The following ZNF541 variants were observed in gnomAD, a reference collection of about 807,000 sequenced individuals.
The protein encoded by ZNF541 is zinc finger protein 541.
ZNF541 carries 23 observed loss-of-function variants against 123.5 expected under a neutral mutation model. The ratio of observed to expected loss-of-function variants is 0.19; its 90% CI spans 0.13 to 0.26. The LOEUF (loss-of-function observed/expected upper bound fraction) is 0.26. Among genes scored for constraint, ZNF541 ranks in the 10% least tolerant of loss-of-function variants. The pLI, the probability that ZNF541 is intolerant of heterozygous loss-of-function variation, is 1.00. For synonymous variants in ZNF541, 751 were observed against 754.5 expected (o/e 1.00, Z 0.08); for missense variants, 1,612 against 1,789.9 (o/e 0.90, Z 1.79).
intron 5 of ZNF541, among the ~76,000 whole-genome samples, chr19:47,543,890 C>T (rs775404750): frequency 4.6e-5 from 7 of 152,078 alleles, no homozygotes; most frequent in Non-Finnish European, 8.8e-5. Context: ...GCAGTCTCCC[C>T]ACTTCAGCCT....
At chr19:47,524,572 G>T (rs1014047930) in intron 14 of ZNF541, among the ~76,000 whole-genome samples, 1 of 151,950 alleles carries the variant, frequency 6.6e-6, no homozygotes, top group African/African-American at 2.4e-5. Flanking sequence ...GCCGGGTGTG[G>T]TGGCACGCAC....
intron 1 of ZNF541, among the ~76,000 whole-genome samples, chr19:47,572,813 C>T (rs1464324047): frequency 6.6e-6 from 1 of 151,470 alleles, no homozygotes; most frequent in Non-Finnish European, 1.5e-5. Context: ...CCAGGGGATC[C>T]TGAGGAGGGT....
chr19:47,524,786 A>G (rs1466217492), intron 14 of ZNF541, among the ~76,000 whole-genome samples: 2 of 151,436 alleles, frequency 1.3e-5, no homozygotes, highest in African/African-American at 4.9e-5. Flanking sequence ...TCAAAGTTGG[A>G]GGATCACTTG....
At chr19:47,543,069 G>T (rs1274795701) in intron 5 of ZNF541, among the ~76,000 whole-genome samples, 1 of 152,070 alleles carries the variant, frequency 6.6e-6, no homozygotes, top group Non-Finnish European at 1.5e-5. Flanking sequence ...GAGCCCAGGG[G>T]TTCAAGACCA....
chr19:47,568,819 A>ACAC (rs1417881700), intron 2 of ZNF541, among the ~76,000 whole-genome samples: 2 of 151,794 alleles, frequency 1.3e-5, no homozygotes, highest in Non-Finnish European at 2.9e-5. Context: ...CTACAGGTGC[A>ACAC]CACCACCACA....
intron 2 of ZNF541, among the ~76,000 whole-genome samples, chr19:47,558,801 G>A (rs2123328306): frequency 6.6e-6 from 1 of 150,902 alleles, no homozygotes; most frequent in South Asian, 2.1e-4. Flanking sequence ...CTAGAGTGCA[G>A]TGGCGCCATC....
chr19:47,555,792 G>A lies in ZNF541; in HGVS notation c.65C>T (p.Ser22Leu), dbSNP rs553603173. ...LPSEMHLPSF[S>L]ESQGLNCSDT... ...GCTGCAGTTGAGCCCTTGGCTCTCTGAAAATGAAGGGAGGTGCATTTCTGA... is the reference window on the plus strand; with the variant it reads ...GCTGCAGTTGAGCCCTTGGCTCTCTAAAAATGAAGGGAGGTGCATTTCTGA... The change falls in exon 3 of 17, where the codon TCA (serine) becomes TTA (leucine). Residue 22 changes from serine (S) to leucine (L), a missense_variant. By Grantham distance (145) the Ser-to-Leu change is moderately radical. Transcript: ENST00000391901. The A allele has an allele frequency of 6.4e-7, 1 of 1,551,682 alleles. No individual in the cohort carries two copies. The highest frequency in any genetic ancestry group is 2.4e-5 in the East Asian group (1 of 40,920).
intron 9 of ZNF541, 61 bp downstream of exon 9, chr19:47,538,081 G>A: frequency 1.3e-6 from 2 of 1,523,266 alleles, no homozygotes; most frequent in Non-Finnish European, 1.8e-6. Context: ...AAGGTAGAGT[G>A]GCTGTGGTCC....
intron 5 of ZNF541, among the ~76,000 whole-genome samples, chr19:47,543,643 CTTT>C (rs769335868): frequency 2.1e-5 from 3 of 140,790 alleles, no homozygotes; most frequent in Non-Finnish European, 4.7e-5. Flanking sequence ...TCATGTTGAT[CTTT>C]TTTTTTTTTT....
chr19:47,573,216 G>A (rs576740577), upstream of ZNF541, among the ~76,000 whole-genome samples: 10 of 150,848 alleles, frequency 6.6e-5, no homozygotes, highest in Admixed American at 6.6e-5. Flanking sequence ...GCTCACGCGC[G>A]GCGCAGGCGC....
intron 3 of ZNF541, among the ~76,000 whole-genome samples, chr19:47,551,446 A>G (rs1970596072): frequency 6.6e-6 from 1 of 151,514 alleles, no homozygotes; most frequent in African/African-American, 2.4e-5. Context: ...ATCATAGCTC[A>G]CCGCAGCCTT....
At position 47,539,892 on chromosome 19, in the gene ZNF541, A is replaced by G. The variant is rs1200010356; in HGVS notation, c.2623-14T>C. The G allele has an allele frequency of 6.6e-7, 1 of 1,522,664 alleles. No individual in the cohort carries two copies. Among genetic ancestry groups the G allele is most frequent in the South Asian group, 1.3e-5 (1 of 78,986 alleles). The allele number at this position is 1,522,664 out of a possible 1,614,324, so 94.3% of individuals were successfully genotyped here. ...TGTGCCAAACACCTAAACACAGAAGAGAAGAGATGGCTCTTTAAGAGATAA... is the reference window on the plus strand; with the variant it reads ...TGTGCCAAACACCTAAACACAGAAGGGAAGAGATGGCTCTTTAAGAGATAA... On this transcript the variant is annotated splice_polypyrimidine_tract_variant and intron_variant, in intron 7 of 16. Transcript: ENST00000391901.
At chr19:47,538,076 A>G in intron 9 of ZNF541, 66 bp downstream of exon 9, 1 of 1,513,766 alleles carries the variant, frequency 6.6e-7, no homozygotes, top group Non-Finnish European at 8.9e-7. Flanking sequence ...GCTACAAGGT[A>G]GAGTGGCTGT....
Position 47,538,265 on chromosome 19 carries a change from A to C in ZNF541, c.2971T>G (p.Cys991Gly). The C allele has an allele frequency of 1.3e-6, 2 of 1,551,406 alleles. No individual in the cohort carries two copies. The highest frequency in any genetic ancestry group is 1.7e-6 in the Non-Finnish European group (2 of 1,146,836). Residue 991 changes from cysteine (C) to glycine (G), a missense_variant, in exon 9 of 17, where the codon TGC becomes GGC. This residue lies in a region of ZNF541 where 285 missense variants were observed against 407.3 expected (regional missense o/e 0.70). Coordinates refer to ENST00000391901, the MANE Select transcript of ZNF541 (RefSeq NM_001277075.3). ...VDCLLKGLFQ[C>G]SPYTPPPMLS... ...ATTGGGGGTGGTGTGTAGGGGGAGCACTGGAATAAGCCCTTCAGGAGGCAG... is the reference window on the plus strand; with the variant it reads ...ATTGGGGGTGGTGTGTAGGGGGAGCCCTGGAATAAGCCCTTCAGGAGGCAG...
At chr19:47,530,116 G>A (rs1339672970) in intron 12 of ZNF541, among the ~76,000 whole-genome samples, 1 of 151,822 alleles carries the variant, frequency 6.6e-6, no homozygotes, top group African/African-American at 2.4e-5. Context: ...TGCCTCCCAA[G>A]TAGCCAGGAA....
intron 2 of ZNF541, among the ~76,000 whole-genome samples, chr19:47,563,054 T>A (rs914309981): frequency 5.3e-5 from 8 of 152,222 alleles, no homozygotes; most frequent in African/African-American, 1.7e-4. Context: ...TAAGAACTTT[T>A]CATGTTGATA....
Position 47,539,726 on chromosome 19 carries a change from T to C in ZNF541, c.2775A>G (p.Arg925=). 1 of 1,438,632 alleles carries C rather than the reference T, an allele frequency of 7.0e-7. No individual in the cohort carries two copies. The highest frequency in any genetic ancestry group is 9.1e-7 in the Non-Finnish European group (1 of 1,100,240). The allele number at this position is 1,438,632 out of a possible 1,614,324, so 89.1% of individuals were successfully genotyped here. The change falls in exon 8 of 17, where the codon CGA becomes CGG. Residue 925 remains arginine, a synonymous_variant. Coordinates refer to ENST00000391901, the MANE Select transcript of ZNF541 (RefSeq NM_001277075.3). ...PQSIPVVPVT[R]HIGSMAMGQE... ...CCACCATGGCCATGCTCCCTATGTG[T>C]CGGGTCACTGGAACCACGGGGATCG...
chr19:47,538,401 C>G lies in ZNF541; in HGVS notation c.2835G>C (p.Glu945Asp). 2.6e-6 allele frequency: 4 copies of G among 1,540,896 alleles called. No individual in the cohort carries two copies. Among genetic ancestry groups the G allele is most frequent in the African/African-American group, 1.4e-5 (1 of 72,840 alleles). ...EKDGEERDSK[E>D]SSQQRKRKKR... ...TCTTCCGCTTTCTCTGCTGGCTGCT[C>G]TCCTTGCTGTCTCGCTCCTCCCCGT... Residue 945 changes from glutamate to aspartate, a missense_variant, in exon 9 of 17, where the codon GAG (glutamate) becomes GAC (aspartate). This residue lies in a region of ZNF541 where 1,080 missense variants were observed against 1,013.8 expected (regional missense o/e 1.07). Transcript: ENST00000391901.
At position 47,540,927 on chromosome 19, in the gene ZNF541, G is replaced by A. The variant is rs867999809; in HGVS notation, c.2428C>T (p.His810Tyr). 1 of 1,550,986 alleles carries A rather than the reference G, an allele frequency of 6.4e-7. No individual in the cohort carries two copies. ...GCCACATTCTCTTCCTTCACCGGAT[G>A]GGGGAGCCTGTAGATGTTTCCACCC... Reference protein sequence around the residue: ...IQGGNIYRLPHPVKEENVAGR... With the variant: ...IQGGNIYRLPYPVKEENVAGR... Residue 810 changes from histidine to tyrosine, a missense_variant, in exon 6 of 17, where the codon CAT becomes TAT. Physicochemically the swap from His to Tyr is moderately conservative, Grantham distance 83. Around this residue, in one of 5 missense-constraint regions of ZNF541, gnomAD observed 1,080 missense variants for 1,013.8 expected, o/e 1.07. Transcript: ENST00000391901.
Sources: gnomAD v4.1 joint callset for allele counts (sites outside exome capture counted in the v4.1 genomes callset) on GRCh38, gnomAD v4.1.1 for gene constraint, gnomAD v4.1.1 regional missense constraint, MANE v1.5 for transcripts, NCBI Gene and HGNC (gene_info 2026-07-23, HGNC 2026-07-21) for gene names.